Variants in PKHD1L1 observed in about 807,000 individuals in gnomAD.
PKHD1L1 encodes fibrocystin-L.
PKHD1L1 carries 434 observed loss-of-function variants against 462.9 expected under a neutral mutation model. That is an observed-to-expected ratio of 0.94 (90% CI 0.87 to 1.02). The LOEUF (loss-of-function observed/expected upper bound fraction) is 1.02, where lower values mean the gene tolerates loss of function less well. Among genes scored for constraint, PKHD1L1 ranks in the 50% least tolerant of loss-of-function variants. The pLI is 0.00. For synonymous variants in PKHD1L1, 1,781 were observed against 1,750.0 expected (o/e 1.02, Z -0.44); for missense variants, 5,202 against 5,096.1 (o/e 1.02, Z -0.63).
At chr8:109,423,618 C>G (rs1305569933) in intron 23 of PKHD1L1, among the ~76,000 whole-genome samples, 4 of 152,062 alleles carry the variant, frequency 2.6e-5, no homozygotes, top group African/African-American at 9.7e-5. Flanking sequence ...CCTGTGCCTT[C>G]CCATATAAAT....
At chr8:109,467,424 C>T (rs1407184562) in intron 50 of PKHD1L1, among the ~76,000 whole-genome samples, 1 of 144,252 alleles carries the variant, frequency 6.9e-6, no homozygotes, top group Non-Finnish European at 1.5e-5. Context: ...CGCCCCAACT[C>T]AAGGATTTAA....
At chr8:109,446,268 G>T (rs1032861474) in intron 38 of PKHD1L1, among the ~76,000 whole-genome samples, 1 of 152,142 alleles carries the variant, frequency 6.6e-6, no homozygotes, top group Non-Finnish European at 1.5e-5. Context: ...CGAGCTATTA[G>T]AATATATGTA....
At chr8:109,458,502 C>A (rs1301489281) in intron 46 of PKHD1L1, among the ~76,000 whole-genome samples, 2 of 152,134 alleles carry the variant, frequency 1.3e-5, no homozygotes, top group African/African-American at 4.8e-5. Flanking sequence ...GAAGAGCAGA[C>A]AAGTCAGTGG....
At position 109,526,775 on chromosome 8, in the gene PKHD1L1, T is replaced by A. The variant is rs1820836756; in HGVS notation, c.12485-9T>A. On this transcript the variant is annotated splice_polypyrimidine_tract_variant and intron_variant, in intron 76 of 77. Coordinates refer to ENST00000378402, the MANE Select transcript of PKHD1L1 (RefSeq NM_177531.6). ...GGAAATCAAACACTATGATGCTTTT[T>A]TTTTCCAGGAAAAAATTATAAGATT... 1.3e-6 allele frequency: 2 copies of A among 1,543,584 alleles called. No homozygotes were observed. Among genetic ancestry groups the A allele is most frequent in the African/African-American group, 2.7e-5 (2 of 72,792 alleles).
intron 4 of PKHD1L1, among the ~76,000 whole-genome samples, chr8:109,383,863 C>G (rs1334126877): frequency 6.6e-6 from 1 of 152,130 alleles, no homozygotes; most frequent in Non-Finnish European, 1.5e-5. Flanking sequence ...CCTTCTCTTT[C>G]AGCCCCACAG....
chr8:109,500,673 C>CAAAAAAAAAAA (rs34827783), intron 67 of PKHD1L1, among the ~76,000 whole-genome samples: 74 of 47,188 alleles, frequency 1.6e-3, no homozygotes, highest in African/African-American at 5.6e-3. Context: ...AACTCTGTCT[C>CAAAAAAAAAAA]AAAAAAAAAA....
At chr8:109,467,938 A>T (rs1817536194) in intron 50 of PKHD1L1, among the ~76,000 whole-genome samples, 1 of 152,106 alleles carries the variant, frequency 6.6e-6, no homozygotes. Flanking sequence ...ACAGAATCCA[A>T]GTGCACTTAT....
In PKHD1L1 at chr8:109,486,663, T is replaced by G. The variant is rs752559383; in HGVS notation, c.9722T>G (p.Val3241Gly). ...SYTHFAEKYH[V>G]PGTGESYTLA... Reference sequence around the variant, plus strand: ...TATACTGCAGCTGAAAAATACCATGTCCCTGGAACTGGTGAGAGCTACACG... The same window carrying G: ...TATACTGCAGCTGAAAAATACCATGGCCCTGGAACTGGTGAGAGCTACACG... The change falls in exon 59 of 78, where the codon GTC (valine) becomes GGC (glycine). Residue 3241 changes from valine (V) to glycine (G), a missense_variant. Physicochemically the swap from Val to Gly is moderately radical, Grantham distance 109. Coordinates refer to ENST00000378402, the MANE Select transcript of PKHD1L1 (RefSeq NM_177531.6). 4.3e-6 allele frequency: 7 copies of G among 1,610,828 alleles called. No homozygotes were observed. Among genetic ancestry groups the G allele is most frequent in the Non-Finnish European group, 5.9e-6 (7 of 1,178,270 alleles).
chr8:109,448,094 G>T, intron 38 of PKHD1L1, 49 bp from the exon 39 acceptor site: 1 of 1,468,296 alleles, frequency 6.8e-7, no homozygotes, highest in Non-Finnish European at 9.2e-7. Context: ...AAATGGATGT[G>T]TATTAATAGT....
chr8:109,373,060 G>A (rs1394672256), intron 2 of PKHD1L1, among the ~76,000 whole-genome samples: 2 of 152,154 alleles, frequency 1.3e-5, no homozygotes, highest in Non-Finnish European at 2.9e-5. Context: ...CTATTGATTG[G>A]AATAATTTCA....
At position 109,449,388 on chromosome 8, in the gene PKHD1L1, C is replaced by G; in HGVS notation, c.6076C>G (p.Pro2026Ala). The G allele has an allele frequency of 6.3e-7, 1 of 1,586,670 alleles. No homozygotes were observed. The highest frequency in any genetic ancestry group is 8.6e-7 in the Non-Finnish European group (1 of 1,165,074). The change falls in exon 40 of 78, where the codon CCA becomes GCA. Residue 2026 changes from proline to alanine, a missense_variant. Transcript: ENST00000378402. ...TMTVTGTGFN[P>A]QNSIILVCGS... ...GACTGTGACAGGCACCGGATTTAAT[C>G]CACAAAATTCAATTATATTAGTTTG...
intron 25 of PKHD1L1, among the ~76,000 whole-genome samples, chr8:109,428,874 A>G (rs1000828203): frequency 6.6e-6 from 1 of 152,228 alleles, no homozygotes; most frequent in African/African-American, 2.4e-5. Context: ...GGAAGAACAT[A>G]TAATTCCAAA....
rs141685367 is a variant in PKHD1L1 at position 109,410,237 on chromosome 8, G to T, written c.2085+259G>T. ...AAGTAGGAAAGCTGATCAAAGGTAA[G>T]ATTTGCAGTGTTTTTGTTTATTTTG... is the stretch of plus-strand genomic sequence containing the variant. On this transcript the variant is annotated intron_variant, in intron 19 of 77. Transcript: ENST00000378402. Among the ~76,000 whole-genome samples the T allele has an allele frequency of 2.2e-3, 339 of 152,288 alleles. 2 individuals carry two copies. Among genetic ancestry groups the T allele is most frequent in the African/African-American group, 7.5e-3 (313 of 41,568 alleles).
chr8:109,396,028 G>A lies in PKHD1L1; in HGVS notation c.813G>A (p.Glu271=), dbSNP rs568609197. The A allele has an allele frequency of 4.5e-4, 722 of 1,587,506 alleles. 14 individuals are homozygous for A. In the South Asian group the frequency reaches 7.8e-3, roughly 17 times the overall value. The part of the protein sequence containing the change: ...NKIAMFQTYA[E]VTMIFPSQGS... ...TTATTTAATGTGGTTTTCCCCCAGA[G>A]GTCACCATGATTTTCCCTTCACAAG... Residue 271 remains glutamate (E), a splice_region_variant and synonymous_variant, in exon 11 of 78, where the codon GAG becomes GAA. Transcript: ENST00000378402.
chr8:109,424,656 TA>T (rs1229389450), intron 23 of PKHD1L1, among the ~76,000 whole-genome samples: 1 of 152,198 alleles, frequency 6.6e-6, no homozygotes, highest in Non-Finnish European at 1.5e-5. Flanking sequence ...TAAATTTTCT[TA>T]AATTGTTGGT....
chr8:109,391,659 A>C (rs2130485732), intron 9 of PKHD1L1, among the ~76,000 whole-genome samples: 1 of 152,342 alleles, frequency 6.6e-6, no homozygotes, highest in East Asian at 1.9e-4. Context: ...ATAGTAGATT[A>C]ATAATAGGAA....
intron 21 of PKHD1L1, among the ~76,000 whole-genome samples, chr8:109,414,171 C>T (rs1814007303): frequency 1.3e-5 from 2 of 152,008 alleles, no homozygotes; most frequent in African/African-American, 2.4e-5. Flanking sequence ...ACAGTACATA[C>T]AAAAATTTCA....
Position 109,384,116 on chromosome 8 carries a change from C to A in PKHD1L1, c.464C>A (p.Ser155Tyr), listed in dbSNP as rs1046805517. ...ACAATAAGAAGCATCACACCTTTAT[C>A]TGGAACTCCAGGTCTGTTATATGAC... ...TPTIRSITPL[S>Y]GTPGTLITIQ... Residue 155 changes from serine to tyrosine, a missense_variant, in exon 5 of 78, where the codon TCT becomes TAT. Ser to Tyr is a moderately radical substitution (Grantham distance 144, BLOSUM62 -2). This residue lies in a region of PKHD1L1 where 4,497 missense variants were observed against 4,336.8 expected (regional missense o/e 1.04). Transcript: ENST00000378402. 1 of 1,610,424 alleles carries A rather than the reference C, an allele frequency of 6.2e-7. No homozygotes were observed. Among genetic ancestry groups the A allele is most frequent in the African/African-American group, 1.3e-5 (1 of 74,808 alleles).
intron 21 of PKHD1L1, among the ~76,000 whole-genome samples, chr8:109,418,149 C>A (rs1394727837): frequency 6.6e-6 from 1 of 152,244 alleles, no homozygotes; most frequent in South Asian, 2.1e-4. Flanking sequence ...AGGTCCTGTT[C>A]AGTATGCCAA....
Sources: allele counts gnomAD v4.1 joint callset (sites outside exome capture counted in the v4.1 genomes callset), GRCh38; gene constraint gnomAD v4.1.1; regional missense constraint gnomAD v4.1.1; transcripts MANE v1.5; gene names NCBI Gene and HGNC (gene_info 2026-07-23, HGNC 2026-07-21).